Variants in ABLIM2 observed in about 807,000 individuals in gnomAD.
ABLIM2 encodes the protein actin binding LIM protein family member 2, also known as actin-binding LIM protein 2.
Under a neutral mutation model 97.7 loss-of-function variants are expected in ABLIM2, and 53 were observed. The observed-to-expected ratio is 0.54, with a 90% CI of 0.44 to 0.68. The LOEUF is 0.68. Ranked by LOEUF, ABLIM2 falls within the 30% of genes least tolerant of loss-of-function variation. ABLIM2 has a pLI of 0.00. For missense variants in ABLIM2, 835 were observed against 867.2 expected, an observed-to-expected ratio of 0.96 and a Z score of 0.47; for synonymous variants, 361 against 345.8, an observed-to-expected ratio of 1.04 and a Z score of -0.49.
chr4:7,976,816 CAT>C (rs1028607945), intron 20 of ABLIM2, among the ~76,000 whole-genome samples: 11 of 152,226 alleles, frequency 7.2e-5, no homozygotes, highest in South Asian at 4.1e-4. Context: ...TGTATACACA[CAT>C]AGACGCACAT....
rs148200753 is a variant in ABLIM2 at position 8,037,612 on chromosome 4, T to G, written c.901-1317A>C. ...ACCCAGATTCACCCACAAACGTGCA[T>G]GCACATCTGCCCACACATACTTGCA... On this transcript the variant is annotated intron_variant, in intron 9 of 20. Coordinates refer to ENST00000447017, the MANE Select transcript of ABLIM2 (RefSeq NM_001130083.2). Among the ~76,000 whole-genome samples the G allele has an allele frequency of 1.7e-4, 26 of 152,062 alleles. No individual in the cohort carries two copies. In the East Asian group the frequency reaches 2.7e-3, roughly 16 times the overall value.
rs1353460631 is a variant in ABLIM2, at chr4:8,125,282, C to T, written c.11-18645G>A. 1.3e-5 allele frequency among the ~76,000 whole-genome samples: 2 copies of T among 152,162 alleles called. No homozygotes were observed. The highest frequency in any genetic ancestry group is 4.8e-5 in the African/African-American group (2 of 41,436). Reference sequence around the variant, plus strand: ...TTTGGTGTCTTTTCTAAGAAACCATCGCCTGATCCACCGTCATGAAGATGC... The same window carrying T: ...TTTGGTGTCTTTTCTAAGAAACCATTGCCTGATCCACCGTCATGAAGATGC... On this transcript the variant is annotated intron_variant, in intron 1 of 20. Transcript: ENST00000447017. This position sits in a 1 kb window ranked among gnomAD's most constrained non-coding sequence, Gnocchi z 6.2.
chr4:8,006,911 C>T (rs970121766), intron 16 of ABLIM2: 8 of 636,078 alleles, frequency 1.3e-5, no homozygotes, highest in Non-Finnish European at 1.6e-5. Context: ...TGACATCAGC[C>T]TTGTGCCTGA....
At chr4:7,971,853 G>A (rs922544553) in intron 20 of ABLIM2, among the ~76,000 whole-genome samples, 4 of 152,126 alleles carry the variant, frequency 2.6e-5, no homozygotes, top group African/African-American at 9.7e-5. Flanking sequence ...CCACCCCTCT[G>A]TACCAGCACA....
intron 1 of ABLIM2, among the ~76,000 whole-genome samples, chr4:8,153,987 C>CGG (rs1714144991): frequency 8.5e-6 from 1 of 117,502 alleles, no homozygotes; most frequent in Non-Finnish European, 1.7e-5. Flanking sequence ...TTTTGAGATA[C>CGG]AGTCTCACTC....
At chr4:8,099,673 G>A (rs1295146460) in intron 2 of ABLIM2, among the ~76,000 whole-genome samples, 5 of 152,002 alleles carry the variant, frequency 3.3e-5, no homozygotes, top group Admixed American at 1.3e-4. Context: ...GTGAAACCCC[G>A]TCTCTACTAA....
chr4:8,006,477 T>C (rs972448351), intron 16 of ABLIM2, among the ~76,000 whole-genome samples: 2 of 152,230 alleles, frequency 1.3e-5, no homozygotes, highest in Non-Finnish European at 2.9e-5. Context: ...TTGAGATCCC[T>C]AAACACTGAT....
chr4:7,969,491 T>C (rs576825958), intron 20 of ABLIM2, among the ~76,000 whole-genome samples: 1 of 152,100 alleles, frequency 6.6e-6, no homozygotes, highest in Admixed American at 6.6e-5. Context: ...AGTGCTATAT[T>C]AGAATCACTG....
chr4:8,116,369 C>T (rs535303288), intron 1 of ABLIM2, among the ~76,000 whole-genome samples: 35 of 152,200 alleles, frequency 2.3e-4, no homozygotes, highest in Non-Finnish European at 3.1e-4. Flanking sequence ...GAGAAGCTCC[C>T]CCTCCAAACC....
intron 6 of ABLIM2, among the ~76,000 whole-genome samples, chr4:8,077,287 G>A (rs1046423108): frequency 1.3e-5 from 2 of 152,276 alleles, no homozygotes; most frequent in Non-Finnish European, 2.9e-5. Flanking sequence ...CTATGGGGAC[G>A]AGGTCCTGGT....
At chr4:7,971,410 G>A (rs1328568800) in intron 20 of ABLIM2, among the ~76,000 whole-genome samples, 2 of 152,146 alleles carry the variant, frequency 1.3e-5, no homozygotes, top group Non-Finnish European at 2.9e-5. Flanking sequence ...TGCAGAGGGT[G>A]GGGCAGCCTC....
intron 2 of ABLIM2, among the ~76,000 whole-genome samples, chr4:8,103,373 C>T (rs1162272173): frequency 1.3e-5 from 2 of 152,236 alleles, no homozygotes; most frequent in East Asian, 1.9e-4. Flanking sequence ...TGCAGGAAAT[C>T]GTAGTTACTC....
In ABLIM2 at chr4:8,082,307, G is replaced by A. The variant is rs1345133362; in HGVS notation, c.455-1505C>T. 6.6e-6 allele frequency among the ~76,000 whole-genome samples: 1 copy of A among 152,160 alleles called. No homozygotes were observed. The highest frequency in any genetic ancestry group is 6.6e-5 in the Admixed American group (1 of 15,266). ...GTCACACTGAGCGTATTCCTCCTGC[G>A]GGAGCCCCCATTTCCTCATCGTGGG... On this transcript the variant is annotated intron_variant, in intron 4 of 20. Coordinates refer to ENST00000447017, the MANE Select transcript of ABLIM2 (RefSeq NM_001130083.2). The surrounding 1 kb of genome is among the most constrained non-coding windows in gnomAD (Gnocchi z 5.6).
In ABLIM2 at chr4:8,095,931, C is replaced by T. The variant is rs1157427201; in HGVS notation, c.338+1168G>A. ...GTGAAATTCCTCTGCGACTACAGGG[C>T]TTCATATTTGGTCAAAGACTCCAAG... On this transcript the variant is annotated intron_variant, in intron 3 of 20. Transcript: ENST00000447017. This position sits in a 1 kb window ranked among gnomAD's most constrained non-coding sequence, Gnocchi z 4.7. 6.6e-6 allele frequency among the ~76,000 whole-genome samples: 1 copy of T among 152,184 alleles called. No individual in the cohort carries two copies. The highest frequency in any genetic ancestry group is 2.4e-5 in the African/African-American group (1 of 41,436).
At chr4:7,991,118 C>T (rs1748366415) in intron 17 of ABLIM2, among the ~76,000 whole-genome samples, 1 of 152,196 alleles carries the variant, frequency 6.6e-6, no homozygotes, top group Non-Finnish European at 1.5e-5. Context: ...CTCAATAGTT[C>T]TAGGAGAGGG....
intron 18 of ABLIM2, among the ~76,000 whole-genome samples, chr4:7,984,630 A>G (rs73090391): frequency 0.027 from 4,041 of 152,296 alleles, 163 homozygotes; most frequent in African/African-American, 0.09. Flanking sequence ...GGACAGAGGG[A>G]GCATCGCGGG....
chr4:8,102,342 C>T (rs987905645), intron 2 of ABLIM2, among the ~76,000 whole-genome samples: 7 of 152,184 alleles, frequency 4.6e-5, no homozygotes, highest in Non-Finnish European at 5.9e-5. Context: ...GCCTGACCAC[C>T]CAGTTTGCAT....
rs1008733414 is a variant in ABLIM2 at position 8,065,418 on chromosome 4, T to C, written c.676-4364A>G. ...ACCACTTCATACCCATGAGGGTAGC[T>C]ACAATAATAACAACACAGAAAGGAA... On this transcript the variant is annotated intron_variant, in intron 6 of 20. Coordinates refer to ENST00000447017, the MANE Select transcript of ABLIM2 (RefSeq NM_001130083.2). Among the ~76,000 whole-genome samples, 4 of 152,200 alleles carry C rather than the reference T, an allele frequency of 2.6e-5. No individual in the cohort carries two copies. In the South Asian group the frequency reaches 6.2e-4, roughly 24 times the overall value.
In ABLIM2 at chr4:8,004,460, T is replaced by C. The variant is rs980338473; in HGVS notation, c.1618+3599A>G. 3.9e-5 allele frequency among the ~76,000 whole-genome samples: 6 copies of C among 152,178 alleles called. No homozygotes were observed. The highest frequency in any genetic ancestry group is 1.4e-4 in the African/African-American group (6 of 41,450). On this transcript the variant is annotated intron_variant, in intron 16 of 20. Transcript: ENST00000447017. This position sits in a 1 kb window ranked among gnomAD's most constrained non-coding sequence, Gnocchi z 5.9. ...GCTGGGATTGGAGGAAAGGGTCTTA[T>C]TCCCTTCGGAAGTGCTGGGTCCTTT...
Sources: allele counts gnomAD v4.1 joint callset (sites outside exome capture counted in the v4.1 genomes callset), GRCh38; gene constraint gnomAD v4.1.1; non-coding constraint Gnocchi (gnomAD v3.1); transcripts MANE v1.5; gene names NCBI Gene and HGNC (gene_info 2026-07-23, HGNC 2026-07-21).